The following ARHGEF16 variants were observed in gnomAD, a reference collection of about 807,000 sequenced individuals.
ARHGEF16 encodes the protein Rho guanine exchange factor (GEF) 16.
Under a neutral mutation model 74.1 loss-of-function variants are expected in ARHGEF16, and 59 were observed. That is an observed-to-expected ratio of 0.80 (90% CI 0.65 to 0.99). ARHGEF16 has a LOEUF of 0.99. Among genes scored for constraint, ARHGEF16 ranks in the 50% least tolerant of loss-of-function variants. The probability of loss-of-function intolerance (pLI) is 0.00; values close to 1 mark genes in which losing one functional copy is unlikely to be tolerated. For missense variants in ARHGEF16, 948 were observed against 986.6 expected, an observed-to-expected ratio of 0.96 and a Z score of 0.52; for synonymous variants, 415 against 412.6, an observed-to-expected ratio of 1.01 and a Z score of -0.07.
At chr1:3,471,185 T>G (rs573428054) in intron 6 of ARHGEF16, among the ~76,000 whole-genome samples, 1 of 151,952 alleles carries the variant, frequency 6.6e-6, no homozygotes, top group South Asian at 2.1e-4. Context: ...TGCTGCTCCC[T>G]ATATGCAGGA....
At position 3,478,469 on chromosome 1, in the gene ARHGEF16, C is replaced by A; in HGVS notation, c.1671C>A (p.Ile557=). ...MVQDYAQMNH[I]QVEKIEPSEL... is the part of the protein sequence containing the mutation. ...AGGACTACGCCCAGATGAACCACAT[C>A]CAGGTGGAGAAGATAGAGCCGTCTG... The change falls in exon 12 of 15, where the codon ATC becomes ATA. Residue 557 remains isoleucine (I), a synonymous_variant. Coordinates refer to ENST00000378378, the MANE Select transcript of ARHGEF16 (RefSeq NM_014448.4). 1 of 1,612,278 alleles carries A rather than the reference C, an allele frequency of 6.2e-7. No homozygotes were observed. Among genetic ancestry groups the A allele is most frequent in the Non-Finnish European group, 8.5e-7 (1 of 1,179,634 alleles).
rs1442011282 is a variant in ARHGEF16, at chr1:3,467,024, C to G, written c.635-144C>G. ...GAGAGGTCTTGGGACTGGTGCCCAG[C>G]CTGGGGCAGTCCCCTCCCAAAGCCT... On this transcript the variant is annotated intron_variant, in intron 3 of 14. Transcript: ENST00000378378. 8 of 837,674 alleles carry G rather than the reference C, an allele frequency of 9.6e-6. No individual in the cohort carries two copies. In the South Asian group the frequency reaches 1.3e-4, roughly 14 times the overall value. The allele number at this position is 837,674 out of a possible 1,614,324, so 51.9% of individuals were successfully genotyped here. A position where few individuals can be genotyped will look rare whatever the true frequency, so the allele number is the denominator to read the frequency against.
At chr1:3,474,604 C>G in intron 8 of ARHGEF16, 104 bp from the exon 9 acceptor site, 1 of 1,112,908 alleles carries the variant, frequency 9.0e-7, no homozygotes, top group Non-Finnish European at 1.4e-6. Flanking sequence ...CTGGGGGCAG[C>G]TGTTGACCAC....
chr1:3,474,580 C>A (rs976023341), intron 8 of ARHGEF16, 128 bp from the exon 9 acceptor site: 1 of 813,716 alleles, frequency 1.2e-6, no homozygotes, highest in African/African-American at 1.7e-5. Flanking sequence ...GCTGTGGGGC[C>A]CTGCAGGAGC....
intron 6 of ARHGEF16, among the ~76,000 whole-genome samples, chr1:3,470,618 T>G (rs1282705138): frequency 6.8e-6 from 1 of 146,414 alleles, no homozygotes; most frequent in African/African-American, 2.6e-5. Flanking sequence ...TGAGTGGGTG[T>G]GTGTGCGTGG....
At chr1:3,461,837 C>T (rs1022438797) in intron 1 of ARHGEF16, among the ~76,000 whole-genome samples, 1 of 152,200 alleles carries the variant, frequency 6.6e-6, no homozygotes, top group Non-Finnish European at 1.5e-5. Context: ...TCATGGCAGC[C>T]AGGGAAGACG....
In ARHGEF16 at chr1:3,466,912, A is replaced by G. The variant is rs146112345; in HGVS notation, c.635-256A>G. 197 of 414,986 alleles carry G rather than the reference A, an allele frequency of 4.7e-4. 1 individual carries two copies. The highest frequency in any genetic ancestry group is 2.9e-3 in the African/African-American group (146 of 49,938). 25.7% of individuals were successfully genotyped at this position (414,986 alleles called of 1,614,324 possible). A position where few individuals can be genotyped will look rare whatever the true frequency, so the allele number is the denominator to read the frequency against. ...AGGCAGCAGCGATGCCCCACGTCTC[A>G]GGGTAAGGCTGGTTGGGGGCTGCTG... On this transcript the variant is annotated intron_variant, in intron 3 of 14. Transcript: ENST00000378378.
chr1:3,477,321 A>ACCCCCATCACCCCACACTACCCAC (rs57207202), intron 10 of ARHGEF16, among the ~76,000 whole-genome samples: 2 of 8,480 alleles, frequency 2.4e-4, no homozygotes. Context: ...CACACTACCC[A>ACCCCCATCACCCCACACTACCCAC]CCCCATCACC....
At chr1:3,470,683 G>A (rs1639687623) in intron 6 of ARHGEF16, among the ~76,000 whole-genome samples, 1 of 150,738 alleles carries the variant, frequency 6.6e-6, no homozygotes, top group Non-Finnish European at 1.5e-5. Flanking sequence ...AGGTGTGTGT[G>A]CGTGGGCAAG....
At chr1:3,471,642 T>C in intron 6 of ARHGEF16, 2 of 1,211,472 alleles carry the variant, frequency 1.7e-6, no homozygotes, top group Non-Finnish European at 2.1e-6. Flanking sequence ...CGGTCCCCTC[T>C]GCCTCAGGCA....
chr1:3,478,334 A>C, intron 11 of ARHGEF16, 90 bp from the exon 12 acceptor site: 1 of 1,384,778 alleles, frequency 7.2e-7, no homozygotes, highest in Non-Finnish European at 9.9e-7. Context: ...CCACCACTGC[A>C]GGGGAGCCGG....
chr1:3,468,757 C>T (rs907816935), intron 4 of ARHGEF16, 123 bp from the exon 5 acceptor site: 58 of 1,089,884 alleles, frequency 5.3e-5, no homozygotes, highest in Non-Finnish European at 7.8e-5. Context: ...ATCGGACCTA[C>T]CTGAGCCCTG....
At chr1:3,473,280 C>T (rs775943830) in intron 7 of ARHGEF16, 50 bp downstream of exon 7, 2 of 1,597,680 alleles carry the variant, frequency 1.3e-6, no homozygotes, top group Non-Finnish European at 1.7e-6. Context: ...GCATCCTGCA[C>T]CCTGGTCTCC....
Position 3,463,059 on chromosome 1 carries a change from C to T in ARHGEF16, c.-19-7C>T. 6.9e-7 allele frequency: 1 copy of T among 1,440,794 alleles called. No homozygotes were observed. Among genetic ancestry groups the T allele is most frequent in the Admixed American group, 2.9e-5 (1 of 34,996 alleles). The allele number at this position is 1,440,794 out of a possible 1,614,324, so 89.3% of individuals were successfully genotyped here. ...CTCACGAGACCTCACTTCTGCCCTT[C>T]CCCCAGGACCCCACAGCCGCCCAGC... On this transcript the variant is annotated splice_region_variant and splice_polypyrimidine_tract_variant and intron_variant, in intron 1 of 14. Coordinates refer to ENST00000378378, the MANE Select transcript of ARHGEF16 (RefSeq NM_014448.4).
intron 2 of ARHGEF16, 75 bp downstream of exon 2, chr1:3,463,747 T>C (rs1639469085): frequency 8.1e-7 from 1 of 1,236,972 alleles, no homozygotes; most frequent in Admixed American, 3.3e-5. Context: ...TCCACCACCG[T>C]CATCTTCTGC....
intron 4 of ARHGEF16, among the ~76,000 whole-genome samples, chr1:3,468,053 AG>A (rs1470580585): frequency 1.3e-5 from 2 of 152,042 alleles, no homozygotes; most frequent in African/African-American, 4.8e-5. Flanking sequence ...GCGTGGGGTG[AG>A]GGCAGGCAGC....
chr1:3,466,705 G>C lies in ARHGEF16; in HGVS notation c.635-463G>C, dbSNP rs138414138. Reference sequence around the variant, plus strand: ...GCTACCTGGGTCCAAATGCCCGGGGGTGTAAAGAGATTAGAGGCAATGAAG... The same window carrying C: ...GCTACCTGGGTCCAAATGCCCGGGGCTGTAAAGAGATTAGAGGCAATGAAG... On this transcript the variant is annotated intron_variant, in intron 3 of 14. Coordinates refer to ENST00000378378, the MANE Select transcript of ARHGEF16 (RefSeq NM_014448.4). Among the ~76,000 whole-genome samples the C allele has an allele frequency of 5.3e-4, 80 of 152,328 alleles. 4 individuals are homozygous for C. The East Asian group carries it at 0.015, about 29-fold the overall frequency.
chr1:3,471,743 A>G, intron 6 of ARHGEF16: 1 of 1,202,040 alleles, frequency 8.3e-7, no homozygotes, highest in Non-Finnish European at 1.1e-6. Context: ...GGCCCCCGAC[A>G]GCTCCTGGCA....
intron 1 of ARHGEF16, among the ~76,000 whole-genome samples, chr1:3,460,856 G>T (rs1039925885): frequency 1.3e-5 from 2 of 152,162 alleles, no homozygotes; most frequent in African/African-American, 4.8e-5. Context: ...GGGCCTGGGA[G>T]GCTCAGCCGC....
Sources: gnomAD v4.1 joint callset for allele counts (sites outside exome capture counted in the v4.1 genomes callset) on GRCh38, gnomAD v4.1.1 for gene constraint, MANE v1.5 for transcripts, NCBI Gene and HGNC (gene_info 2026-07-23, HGNC 2026-07-21) for gene names.